AK4: variants seen among roughly 807,000 people sequenced by gnomAD.
AK4 encodes adenylate kinase 4, mitochondrial.
AK4 carries 13 observed loss-of-function variants against 24.6 expected under a neutral mutation model. The ratio of observed to expected loss-of-function variants is 0.53; its 90% CI spans 0.34 to 0.84. The LOEUF (loss-of-function observed/expected upper bound fraction) is 0.84. Among genes scored for constraint, AK4 ranks in the 40% least tolerant of loss-of-function variants. AK4 has a pLI of 0.01. For synonymous variants in AK4, 88 were observed against 107.0 expected (o/e 0.82, Z 1.10); for missense variants, 192 against 288.2 (o/e 0.67, Z 2.42).
chr1:65,148,279 G>A lies in AK4; in HGVS notation c.-129G>A. On this transcript the variant is annotated 5_prime_UTR_variant, in exon 1 of 5. Transcript: ENST00000327299. ...AAAAGTCTCTCCTTCCCCCTGTAGG[G>A]GCGGCCGGCGAGTCCCAGTGAGAGC... is the stretch of plus-strand genomic sequence containing the variant. 8.0e-7 allele frequency: 1 copy of A among 1,257,746 alleles called. No individual in the cohort carries two copies. The highest frequency in any genetic ancestry group is 1.1e-6 in the Non-Finnish European group (1 of 934,746). 77.9% of individuals were successfully genotyped at this position (1,257,746 alleles called of 1,614,324 possible).
intron 1 of AK4, among the ~76,000 whole-genome samples, chr1:65,152,636 T>C (rs1649837585): frequency 6.6e-6 from 1 of 151,568 alleles, no homozygotes; most frequent in African/African-American, 2.4e-5. Context: ...CCTGACCTCA[T>C]GATCTGCCTG....
chr1:65,163,668 G>A (rs1402371384), intron 1 of AK4, among the ~76,000 whole-genome samples: 1 of 152,238 alleles, frequency 6.6e-6, no homozygotes, highest in Non-Finnish European at 1.5e-5. Flanking sequence ...CCTAGACAGA[G>A]CGGATTTATC....
rs1166233573 is a variant in AK4, at chr1:65,227,473, A to G, written c.*1296A>G. ...AATATTTTGTCATTCATTATAACAT[A>G]TCAATAAACCATTTGTTAAAAGATT... On this transcript the variant is annotated 3_prime_UTR_variant, in exon 5 of 5. Coordinates refer to ENST00000327299, the MANE Select transcript of AK4 (RefSeq NM_013410.4). 1 of 152,414 alleles carries G rather than the reference A, an allele frequency of 6.6e-6. No individual in the cohort carries two copies. The highest frequency in any genetic ancestry group is 1.9e-4 in the East Asian group (1 of 5,160). The allele number at this position is 152,414 out of a possible 1,614,324, so 9.4% of individuals were successfully genotyped here.
chr1:65,191,608 A>AT (rs1388258701), intron 2 of AK4, among the ~76,000 whole-genome samples: 2 of 150,724 alleles, frequency 1.3e-5, no homozygotes, highest in Non-Finnish European at 3.0e-5. Context: ...TTATCTTAGT[A>AT]TTTTTTCTGA....
At chr1:65,162,399 A>G (rs1650197370) in intron 1 of AK4, among the ~76,000 whole-genome samples, 1 of 152,180 alleles carries the variant, frequency 6.6e-6, no homozygotes, top group Non-Finnish European at 1.5e-5. Flanking sequence ...AAAGGTAGGT[A>G]TAGGGCCTTG....
intron 2 of AK4, among the ~76,000 whole-genome samples, chr1:65,196,222 G>A (rs553144391): frequency 2.0e-5 from 3 of 152,088 alleles, no homozygotes; most frequent in South Asian, 2.1e-4. Flanking sequence ...TGGAAAGGTC[G>A]AAAAAGGCAT....
In AK4 at chr1:65,156,917, CTG is replaced by C. The variant is rs1478645136; in HGVS notation, c.145+8369_145+8370del. The stretch of plus-strand genomic sequence containing the variant: ...CTCCAGCCTGGACGACAGGGCGAGA[CTG>C]TGTCTCAAAAAAAAAAAAAAAGAAA... On this transcript the variant is annotated intron_variant, in intron 1 of 4. Coordinates refer to ENST00000327299, the MANE Select transcript of AK4 (RefSeq NM_013410.4). Among the ~76,000 whole-genome samples the C allele has an allele frequency of 1.5e-4, 20 of 132,520 alleles. No individual in the cohort carries two copies. In the East Asian group the frequency reaches 3.6e-3, roughly 24 times the overall value. The allele number at this position is 132,520 out of a possible 152,430, so 86.9% of individuals were successfully genotyped here.
intron 1 of AK4, among the ~76,000 whole-genome samples, chr1:65,164,654 G>A: frequency 6.6e-6 from 1 of 152,122 alleles, no homozygotes; most frequent in Non-Finnish European, 1.5e-5. Context: ...CTGGATACAA[G>A]TCACTTATCA....
At chr1:65,214,785 T>C (rs976234906) in intron 2 of AK4, among the ~76,000 whole-genome samples, 3 of 152,152 alleles carry the variant, frequency 2.0e-5, no homozygotes, top group African/African-American at 4.8e-5. Context: ...CACAAGTACA[T>C]GAGAGCCTCT....
intron 1 of AK4, among the ~76,000 whole-genome samples, chr1:65,180,149 A>T (rs927164223): frequency 6.6e-6 from 1 of 152,132 alleles, no homozygotes; most frequent in Non-Finnish European, 1.5e-5. Context: ...ATTATACTGG[A>T]TTCAGAATTT....
intron 2 of AK4, among the ~76,000 whole-genome samples, chr1:65,212,388 C>G (rs1651999269): frequency 6.6e-6 from 1 of 152,032 alleles, no homozygotes; most frequent in Non-Finnish European, 1.5e-5. Flanking sequence ...CCTCTGCCTC[C>G]TGGGCTCAGG....
chr1:65,180,620 G>C (rs1650869529), intron 1 of AK4, among the ~76,000 whole-genome samples: 1 of 152,176 alleles, frequency 6.6e-6, no homozygotes, highest in African/African-American at 2.4e-5. Context: ...AGATTCAGCA[G>C]AGTGATATTA....
chr1:65,152,998 G>T (rs577544219), intron 1 of AK4, among the ~76,000 whole-genome samples: 37 of 152,254 alleles, frequency 2.4e-4, no homozygotes, highest in African/African-American at 8.7e-4. Context: ...GCTTATTACA[G>T]GGTTTCTAGA....
At chr1:65,166,317 TGTGTGTGTG>T (rs1650328258) in intron 1 of AK4, among the ~76,000 whole-genome samples, 139 of 122,018 alleles carry the variant, frequency 1.1e-3, no homozygotes, top group African/African-American at 4.1e-3. Flanking sequence ...AAGCTGTGTG[TGTGTGTGTG>T]TGTGTGTGTG....
intron 1 of AK4, among the ~76,000 whole-genome samples, chr1:65,153,271 T>C (rs560815740): frequency 3.5e-4 from 53 of 152,124 alleles, no homozygotes; most frequent in Non-Finnish European, 5.7e-4. Flanking sequence ...AGTGGGATTT[T>C]TTTTCTTCTT....
chr1:65,168,145 C>CTTTTTTT (rs3051710), intron 1 of AK4, among the ~76,000 whole-genome samples: 1 of 125,270 alleles, frequency 8.0e-6, no homozygotes, highest in African/African-American at 3.1e-5. Context: ...TCTGCATATT[C>CTTTTTTT]TTTTTTTTTT....
chr1:65,216,550 T>TGGCCTTGAATTCCTGGCC (rs375125785), intron 2 of AK4, among the ~76,000 whole-genome samples: 1 of 148,044 alleles, frequency 6.8e-6, no homozygotes, highest in African/African-American at 2.7e-5. Context: ...TAGAAAATGC[T>TGGCCTTGAATTCCTGGCC]TTTCATTGAT....
At chr1:65,182,520 G>C (rs1175541571) in intron 1 of AK4, among the ~76,000 whole-genome samples, 2 of 151,036 alleles carry the variant, frequency 1.3e-5, no homozygotes, top group Non-Finnish European at 2.9e-5. Context: ...ATGACAGACA[G>C]AAATAAGACA....
chr1:65,150,697 C>A (rs568648805), intron 1 of AK4, among the ~76,000 whole-genome samples: 83 of 152,242 alleles, frequency 5.5e-4, no homozygotes, highest in African/African-American at 1.6e-3. Flanking sequence ...TCTGTATGTA[C>A]CCTTTATAAT....
Sources: allele counts gnomAD v4.1 joint callset (sites outside exome capture counted in the v4.1 genomes callset), GRCh38; gene constraint gnomAD v4.1.1; transcripts MANE v1.5; gene names NCBI Gene and HGNC (gene_info 2026-07-23, HGNC 2026-07-21).